LIPH: variants seen among roughly 807,000 people sequenced by gnomAD.
LIPH encodes the protein lipase member H.
In LIPH, 32 loss-of-function variants were observed where a neutral mutation model predicts 47.6. The observed-to-expected ratio is 0.67, with a 90% CI of 0.51 to 0.90. The LOEUF is 0.90. Among genes scored for constraint, LIPH ranks in the 40% least tolerant of loss-of-function variants. The pLI is 0.00. For synonymous variants in LIPH, 190 were observed against 195.6 expected, an observed-to-expected ratio of 0.97 and a Z score of 0.24; for missense variants, 497 against 541.4, an observed-to-expected ratio of 0.92 and a Z score of 0.81.
chr3:185,510,554 T>C (rs562351055), intron 9 of LIPH, among the ~76,000 whole-genome samples: 1 of 152,340 alleles, frequency 6.6e-6, no homozygotes, highest in South Asian at 2.1e-4. Flanking sequence ...ACATTTTCAG[T>C]GCCATTATCA....
At chr3:185,522,329 G>A (rs1413240314) in intron 5 of LIPH, among the ~76,000 whole-genome samples, 4 of 152,100 alleles carry the variant, frequency 2.6e-5, no homozygotes, top group Non-Finnish European at 5.9e-5. Flanking sequence ...TGTGTCTGCC[G>A]TAAGGGTCAT....
At chr3:185,525,899 T>G (rs1487228588) in intron 4 of LIPH, among the ~76,000 whole-genome samples, 1 of 152,050 alleles carries the variant, frequency 6.6e-6, no homozygotes, top group Admixed American at 6.6e-5. Context: ...ATGGCAAGGG[T>G]TTTTTTAGGT....
rs1193882391 is a variant in LIPH, at chr3:185,526,661, A to AATAAT, written c.628+818_628+822dup. On this transcript the variant is annotated intron_variant, in intron 4 of 9. Transcript: ENST00000296252. ...ATAAATAAAATAAAATAAAATAAAAAATAATATAATATAATATAATATAAT... is the reference window on the plus strand; with the variant it reads ...ATAAATAAAATAAAATAAAATAAAAAATAATATAATATAATATAATATAATATAAT... Among the ~76,000 whole-genome samples, 797 of 100,610 alleles carry AATAAT rather than the reference A, an allele frequency of 7.9e-3. 4 individuals are homozygous for AATAAT. The highest frequency in any genetic ancestry group is 0.011 in the African/African-American group (307 of 28,948). The allele number at this position is 100,610 out of a possible 152,430, so 66.0% of individuals were successfully genotyped here. A position where few individuals can be genotyped will look rare whatever the true frequency, so the allele number is the denominator to read the frequency against.
intron 9 of LIPH, 49 bp downstream of exon 9, chr3:185,511,475 G>A (rs1228590027): frequency 3.2e-6 from 5 of 1,562,076 alleles, no homozygotes; most frequent in Non-Finnish European, 4.4e-6. Context: ...ACAGGATCCA[G>A]CAACATCTTT....
chr3:185,519,871 C>T (rs1045045780), intron 5 of LIPH, among the ~76,000 whole-genome samples: 7 of 126,516 alleles, frequency 5.5e-5, no homozygotes, highest in Admixed American at 8.3e-5. Flanking sequence ...AAAAAAAAGA[C>T]CTTGATTGCT....
chr3:185,548,890 T>G (rs945669601), intron 1 of LIPH, among the ~76,000 whole-genome samples: 1 of 151,876 alleles, frequency 6.6e-6, no homozygotes, highest in East Asian at 1.9e-4. Context: ...TCACAGCACT[T>G]TGGGAGGCCG....
intron 8 of LIPH, among the ~76,000 whole-genome samples, chr3:185,513,797 T>G (rs1417053914): frequency 6.6e-6 from 1 of 152,052 alleles, no homozygotes; most frequent in African/African-American, 2.4e-5. Context: ...TCCCAGCACT[T>G]TGGGAAGCCG....
Position 185,534,832 on chromosome 3 carries a change from T to C in LIPH, c.350A>G (p.Tyr117Cys). 1.2e-6 allele frequency: 2 copies of C among 1,613,748 alleles called. No homozygotes were observed. The highest frequency in any genetic ancestry group is 1.7e-6 in the Non-Finnish European group (2 of 1,179,602). Reference protein sequence around the residue: ...DWNRGATTLIYTHASSKTRKV... With the variant: ...DWNRGATTLICTHASSKTRKV... ...TCTGGTCTTACTAGAGGCATGGGTA[T>C]ATATTAAAGTTGTAGCTCCTCGATT... Residue 117 changes from tyrosine to cysteine, a missense_variant, in exon 2 of 10, where the codon TAT becomes TGT. Physicochemically the swap from Tyr to Cys is radical, Grantham distance 194. Coordinates refer to ENST00000296252, the MANE Select transcript of LIPH (RefSeq NM_139248.3).
chr3:185,542,690 C>T (rs1190639848), intron 1 of LIPH, among the ~76,000 whole-genome samples: 8 of 152,126 alleles, frequency 5.3e-5, no homozygotes, highest in Admixed American at 5.2e-4. Flanking sequence ...CAGCACTATT[C>T]ACAATAGCAA....
intron 8 of LIPH, among the ~76,000 whole-genome samples, chr3:185,511,908 G>A (rs989629505): frequency 6.0e-5 from 9 of 150,674 alleles, no homozygotes; most frequent in African/African-American, 2.2e-4. Flanking sequence ...CAACTTTGAT[G>A]GGCAAAGTCT....
intron 7 of LIPH, among the ~76,000 whole-genome samples, chr3:185,516,393 A>C (rs994228562): frequency 6.6e-6 from 1 of 152,204 alleles, no homozygotes; most frequent in Non-Finnish European, 1.5e-5. Context: ...AGATTGCGCC[A>C]CTGAACTTCA....
At chr3:185,523,500 G>C (rs752101422) in intron 5 of LIPH, among the ~76,000 whole-genome samples, 62 of 151,982 alleles carry the variant, frequency 4.1e-4, no homozygotes, top group Non-Finnish European at 6.8e-4. Context: ...TACTTCCCAG[G>C]CTCAAGCAAT....
intron 3 of LIPH, among the ~76,000 whole-genome samples, chr3:185,528,357 A>AGAAAGAAAGAAAGAAG (rs1720194852): frequency 6.6e-6 from 1 of 151,628 alleles, no homozygotes; most frequent in Non-Finnish European, 1.5e-5. Flanking sequence ...AAAGAAAGAA[A>AGAAAGAAAGAAAGAAG]GCGCTATACT....
intron 1 of LIPH, among the ~76,000 whole-genome samples, chr3:185,537,052 T>G (rs1720524386): frequency 6.6e-6 from 1 of 152,142 alleles, no homozygotes; most frequent in South Asian, 2.1e-4. Flanking sequence ...GCCCAGCTAA[T>G]TTTTGTATTT....
chr3:185,508,171 CGA>C lies in LIPH; in HGVS notation c.*617_*618del, dbSNP rs1007163239. On this transcript the variant is annotated 3_prime_UTR_variant, in exon 10 of 10. Transcript: ENST00000296252. ...TCTTGCCTTCCCTGAGCAAACAGCC[CGA>C]GAGAGAAGCTGGTGTTGATAGAGAG... The C allele has an allele frequency of 6.5e-6, 1 of 154,494 alleles. No individual in the cohort carries two copies. The highest frequency in any genetic ancestry group is 2.4e-5 in the African/African-American group (1 of 41,450). The allele number at this position is 154,494 out of a possible 1,614,324, so 9.6% of individuals were successfully genotyped here.
In LIPH at chr3:185,524,114, A is replaced by G. The variant is rs775023252; in HGVS notation, c.675T>C (p.Asn225=). Residue 225 remains asparagine, a synonymous_variant, in exon 5 of 10, where the codon AAT becomes AAC. Transcript: ENST00000296252. The stretch of plus-strand genomic sequence containing the variant: ...GGCAGCCAGGTTGATCCAATCCTCC[A>G]TTTGGGTAGAAGTCTATGTTTCCTA... ...EPLGNIDFYP[N]GGLDQPGCPK... 6.2e-7 allele frequency: 1 copy of G among 1,613,830 alleles called. No homozygotes were observed. The highest frequency in any genetic ancestry group is 8.5e-7 in the Non-Finnish European group (1 of 1,179,738).
Position 185,524,152 on chromosome 3 carries a change from A to G in LIPH, c.637T>C (p.Tyr213His). The change falls in exon 5 of 10, where the codon TAC (tyrosine) becomes CAC (histidine). Residue 213 changes from tyrosine to histidine, a missense_variant. Coordinates refer to ENST00000296252, the MANE Select transcript of LIPH (RefSeq NM_139248.3). ...TCTATGTTTCCTAATGGCTCCTTGT[A>G]GCCCAGTGCTAAAAGAGAACACATT... ...VIHSDTDALG[Y>H]KEPLGNIDFY... 6.2e-7 allele frequency: 1 copy of G among 1,607,062 alleles called. No individual in the cohort carries two copies. The highest frequency in any genetic ancestry group is 8.5e-7 in the Non-Finnish European group (1 of 1,173,550).
intron 8 of LIPH, among the ~76,000 whole-genome samples, chr3:185,512,026 C>T (rs976022657): frequency 1.3e-5 from 2 of 152,140 alleles, no homozygotes; most frequent in Admixed American, 6.6e-5. Context: ...CGACTCATCT[C>T]TCCAACTCCC....
At chr3:185,548,177 C>G (rs548015180) in intron 1 of LIPH, among the ~76,000 whole-genome samples, 1 of 151,866 alleles carries the variant, frequency 6.6e-6, no homozygotes. Context: ...GAGGCCGAGG[C>G]GGGCGAATCA....
Sources: allele counts gnomAD v4.1 joint callset (sites outside exome capture counted in the v4.1 genomes callset), GRCh38; gene constraint gnomAD v4.1.1; transcripts MANE v1.5; gene names NCBI Gene and HGNC (gene_info 2026-07-23, HGNC 2026-07-21).